KCNAB2: variants seen among roughly 807,000 people sequenced by gnomAD.
KCNAB2 encodes the protein voltage-gated potassium channel subunit beta-2.
In KCNAB2, 29 loss-of-function variants were observed where a neutral mutation model predicts 63.6. The observed-to-expected ratio is 0.46, with a 90% CI of 0.34 to 0.62. KCNAB2 has a LOEUF of 0.62. Among genes scored for constraint, KCNAB2 ranks in the 20% least tolerant of loss-of-function variants. KCNAB2 has a pLI of 0.01. For synonymous variants in KCNAB2, 222 were observed against 224.2 expected, an observed-to-expected ratio of 0.99 and a Z score of 0.09; for missense variants, 359 against 563.9, an observed-to-expected ratio of 0.64 and a Z score of 3.68.
At chr1:5,995,621 G>C (rs1387328325) in intron 1 of KCNAB2, among the ~76,000 whole-genome samples, 1 of 152,192 alleles carries the variant, frequency 6.6e-6, no homozygotes. Flanking sequence ...GTTGTTCGTG[G>C]CCTTCAAAGA....
chr1:6,050,099 G>C (rs1193961048), intron 1 of KCNAB2, among the ~76,000 whole-genome samples: 1 of 152,200 alleles, frequency 6.6e-6, no homozygotes, highest in African/African-American at 2.4e-5. Flanking sequence ...CCCCTTCAAG[G>C]ACCGTGCTAA....
At chr1:6,076,047 C>T (rs1663632796) in intron 4 of KCNAB2, among the ~76,000 whole-genome samples, 1 of 152,248 alleles carries the variant, frequency 6.6e-6, no homozygotes. Context: ...CAGAGACTCT[C>T]TGGCCCACAG....
chr1:6,076,565 G>A (rs1315798473), intron 4 of KCNAB2, among the ~76,000 whole-genome samples: 1 of 152,242 alleles, frequency 6.6e-6, no homozygotes, highest in Non-Finnish European at 1.5e-5. Context: ...CAGGGAGGCA[G>A]GTGCTATTCC....
At chr1:6,083,756 A>G (rs769643421) in intron 5 of KCNAB2, among the ~76,000 whole-genome samples, 26 of 152,210 alleles carry the variant, frequency 1.7e-4, no homozygotes, top group Non-Finnish European at 3.1e-4. Context: ...GGCAGCTTGC[A>G]GGGGGCCAAA....
At chr1:6,076,290 G>A (rs1557487470) in intron 4 of KCNAB2, among the ~76,000 whole-genome samples, 1 of 152,214 alleles carries the variant, frequency 6.6e-6, no homozygotes, top group South Asian at 2.1e-4. Context: ...TCCACAGTTT[G>A]TAGGACACCA....
At position 6,028,828 on chromosome 1, in the gene KCNAB2, C is replaced by A. The variant is rs1283182961; in HGVS notation, c.-52-11689C>A. On this transcript the variant is annotated intron_variant, in intron 1 of 16. Coordinates refer to the KCNAB2 transcript ENST00000341524. This position sits in a 1 kb window ranked among gnomAD's most constrained non-coding sequence, Gnocchi z 4.0. ...TTTGAAAGCTGTGAGTCCAAGTTGC[C>A]TGGCAAATAGATAAGGAATACAAGG... Among the ~76,000 whole-genome samples the A allele has an allele frequency of 6.6e-6, 1 of 152,212 alleles. No individual in the cohort carries two copies. The highest frequency in any genetic ancestry group is 1.5e-5 in the Non-Finnish European group (1 of 68,034).
Position 6,073,332 on chromosome 1 carries a change from C to T in KCNAB2, c.263-401C>T, listed in dbSNP as rs1384794672. On this transcript the variant is annotated intron_variant, in intron 3 of 15. Coordinates refer to ENST00000378083, the MANE Select transcript of KCNAB2 (RefSeq NM_001199862.2). This position sits in a 1 kb window ranked among gnomAD's most constrained non-coding sequence, Gnocchi z 5.7. Reference sequence around the variant, plus strand: ...CCACCAGCACCCACTGCCCTGACACCGCCCTCCCCGCTCTGTCCCAGCAGG... The same window carrying T: ...CCACCAGCACCCACTGCCCTGACACTGCCCTCCCCGCTCTGTCCCAGCAGG... Among the ~76,000 whole-genome samples the T allele has an allele frequency of 2.6e-5, 4 of 152,092 alleles. No individual in the cohort carries two copies. Among genetic ancestry groups the T allele is most frequent in the Admixed American group, 6.5e-5 (1 of 15,270 alleles).
At position 6,024,217 on chromosome 1, in the gene KCNAB2, C is replaced by A. The variant is rs1280385150; in HGVS notation, c.-52-16300C>A. ...TCGGCCTCCCAAAGTTCTGGGATTA[C>A]AGGCGTGAGACACCATGCCCAGCTG... On this transcript the variant is annotated intron_variant, in intron 1 of 16. Transcript: ENST00000341524. This position sits in a 1 kb window ranked among gnomAD's most constrained non-coding sequence, Gnocchi z 5.4. Among the ~76,000 whole-genome samples, 2 of 152,124 alleles carry A rather than the reference C, an allele frequency of 1.3e-5. No individual in the cohort carries two copies. The highest frequency in any genetic ancestry group is 4.1e-4 in the South Asian group (2 of 4,822).
intron 1 of KCNAB2, among the ~76,000 whole-genome samples, chr1:6,008,002 A>C (rs551453596): frequency 5.4e-4 from 82 of 152,214 alleles, no homozygotes; most frequent in African/African-American, 1.9e-3. Context: ...TGCTGCCTGG[A>C]GCTGTCTGGT....
chr1:6,088,351 G>A (rs1040447722), intron 7 of KCNAB2, among the ~76,000 whole-genome samples: 8 of 151,592 alleles, frequency 5.3e-5, no homozygotes, highest in Admixed American at 1.3e-4. Context: ...CCTGCCTCAA[G>A]TAGCTGGTTC....
At chr1:6,030,667 G>GGT (rs1659539749), upstream of KCNAB2, among the ~76,000 whole-genome samples, 1 of 148,860 alleles carries the variant, frequency 6.7e-6, no homozygotes, top group Admixed American at 6.7e-5. Flanking sequence ...ACGTGTATGG[G>GGT]GTGTGTGTAT....
At chr1:6,063,407 T>A (rs7521080) in intron 2 of KCNAB2, among the ~76,000 whole-genome samples, 7,931 of 148,400 alleles carry the variant, frequency 0.053, 676 homozygotes, top group African/African-American at 0.19. Flanking sequence ...CCTGTGCCAG[T>A]AATTTTTTTT....
At chr1:6,049,075 G>T (rs1393162069) in intron 1 of KCNAB2, among the ~76,000 whole-genome samples, 1 of 152,260 alleles carries the variant, frequency 6.6e-6, no homozygotes, top group Non-Finnish European at 1.5e-5. Flanking sequence ...AGTGGTGAAT[G>T]CAACTCCTGG....
In KCNAB2 at chr1:6,028,967, G is replaced by A. The variant is rs942735427; in HGVS notation, c.-52-11550G>A. On this transcript the variant is annotated intron_variant, in intron 1 of 16. Coordinates refer to the KCNAB2 transcript ENST00000341524. The surrounding 1 kb of genome is among the most constrained non-coding windows in gnomAD (Gnocchi z 4.0). ...AGAAAGCCTAAGCGCCACAAGTCCC[G>A]CCATGACGCCCTGAGGCGTGGGTTC... is the stretch of plus-strand genomic sequence containing the variant. 6.6e-6 allele frequency among the ~76,000 whole-genome samples: 1 copy of A among 152,204 alleles called. No homozygotes were observed. The highest frequency in any genetic ancestry group is 2.4e-5 in the African/African-American group (1 of 41,438).
chr1:6,084,686 G>T (rs148422227), intron 5 of KCNAB2, among the ~76,000 whole-genome samples: 2,226 of 151,968 alleles, frequency 0.015, 55 homozygotes, highest in African/African-American at 0.05. Flanking sequence ...CGTGGTGGCA[G>T]GTGCCTGTAG....
chr1:6,041,516 G>A (rs1660496218), upstream of KCNAB2: 1 of 407,474 alleles, frequency 2.5e-6, no homozygotes, highest in Non-Finnish European at 4.6e-6. Context: ...AAGTCCTGAA[G>A]CACATTCAAT....
In KCNAB2 at chr1:6,099,561, C is replaced by T. The variant is rs1012289456; in HGVS notation, c.*987C>T. On this transcript the variant is annotated 3_prime_UTR_variant, in exon 16 of 16. Coordinates refer to ENST00000378083, the MANE Select transcript of KCNAB2 (RefSeq NM_001199862.2). ...CCTGTGCACAAGGATGCACTCCTCT[C>T]GGCCCCTGTAGACTTTCTCTAAAGC... 8.3e-5 allele frequency: 41 copies of T among 494,408 alleles called. No homozygotes were observed. The highest frequency in any genetic ancestry group is 3.4e-4 in the Admixed American group (9 of 26,204). The allele number at this position is 494,408 out of a possible 1,614,324, so 30.6% of individuals were successfully genotyped here.
In KCNAB2 at chr1:6,098,566, A is replaced by C. The variant is rs746927589; in HGVS notation, c.1240A>C (p.Arg414=). Residue 414 remains arginine (R), a synonymous_variant, in exon 16 of 16, where the codon AGA becomes CGA. Transcript: ENST00000378083. ...GNKPYSKKDY[R]S is the part of the protein sequence containing the mutation. ...TAAACCCTACAGCAAAAAGGACTAC[A>C]GATCCTAAGCCGCCCCCGCCCGCCT... The C allele has an allele frequency of 6.8e-6, 11 of 1,613,836 alleles. No individual in the cohort carries two copies. In the Admixed American group the frequency reaches 1.0e-4, roughly 15 times the overall value.
intron 2 of KCNAB2, among the ~76,000 whole-genome samples, chr1:6,058,557 A>G (rs1288047934): frequency 6.6e-6 from 1 of 152,234 alleles, no homozygotes; most frequent in Non-Finnish European, 1.5e-5. Context: ...GGCTTGGCTC[A>G]TTGTGGGAGA....
Sources: allele counts gnomAD v4.1 joint callset (sites outside exome capture counted in the v4.1 genomes callset), GRCh38; gene constraint gnomAD v4.1.1; non-coding constraint Gnocchi (gnomAD v3.1); transcripts MANE v1.5; gene names NCBI Gene and HGNC (gene_info 2026-07-23, HGNC 2026-07-21).